GRM3: variants seen among roughly 807,000 people sequenced by gnomAD.
GRM3 encodes glutamate metabotropic receptor 3, also known as metabotropic glutamate receptor 3.
A neutral mutation model predicts 70.5 loss-of-function variants in GRM3; 26 were observed. That is an observed-to-expected ratio of 0.37 (90% CI 0.27 to 0.51). The LOEUF is 0.51. Ranked by LOEUF, GRM3 falls within the 20% of genes least tolerant of loss-of-function variation. The pLI, the probability that GRM3 is intolerant of heterozygous loss-of-function variation, is 0.93. For missense variants in GRM3, 859 were observed against 1,123.8 expected, an observed-to-expected ratio of 0.76 and a Z score of 3.37; for synonymous variants, 443 against 434.9, an observed-to-expected ratio of 1.02 and a Z score of -0.23.
intron 3 of GRM3, among the ~76,000 whole-genome samples, chr7:86,792,036 A>G (rs921434555): frequency 1.3e-5 from 2 of 152,248 alleles, no homozygotes; most frequent in African/African-American, 4.8e-5. Flanking sequence ...TTCAGAATTT[A>G]TGATGTAAAA....
At chr7:86,699,622 C>T (rs1023535987) in intron 1 of GRM3, among the ~76,000 whole-genome samples, 2 of 151,968 alleles carry the variant, frequency 1.3e-5, no homozygotes, top group African/African-American at 2.4e-5. Flanking sequence ...TTGAACATGT[C>T]TTATTTATTC....
chr7:86,646,013 GGGT>G (rs1562811307), intron 1 of GRM3, among the ~76,000 whole-genome samples: 136 of 69,994 alleles, frequency 1.9e-3, no homozygotes, highest in Middle Eastern at 6.8e-3. Context: ...GGGTGGGGGG[GGGT>G]GGGAGGGAGT....
At chr7:86,815,323 A>T in intron 3 of GRM3, among the ~76,000 whole-genome samples, 1 of 151,860 alleles carries the variant, frequency 6.6e-6, no homozygotes, top group African/African-American at 2.4e-5. Flanking sequence ...TCATCTATGG[A>T]TACCTCTACA....
chr7:86,811,113 A>G (rs1057227883), intron 3 of GRM3, among the ~76,000 whole-genome samples: 1 of 151,954 alleles, frequency 6.6e-6, no homozygotes, highest in Non-Finnish European at 1.5e-5. Flanking sequence ...AAAAGTAGGG[A>G]AGGCAGAGCA....
chr7:86,814,153 C>A (rs567470708), intron 3 of GRM3, among the ~76,000 whole-genome samples: 1 of 151,808 alleles, frequency 6.6e-6, no homozygotes, highest in African/African-American at 2.4e-5. Context: ...GGCTCTGTTG[C>A]GGTCACAGTC....
intron 3 of GRM3, among the ~76,000 whole-genome samples, chr7:86,812,048 T>C (rs1473066962): frequency 6.6e-6 from 1 of 151,724 alleles, no homozygotes; most frequent in Admixed American, 6.6e-5. Flanking sequence ...TTCTACCCAC[T>C]CTACTGAACC....
chr7:86,714,852 C>A (rs997612877), intron 1 of GRM3, among the ~76,000 whole-genome samples: 1 of 151,920 alleles, frequency 6.6e-6, no homozygotes, highest in African/African-American at 2.4e-5. Flanking sequence ...GCACTATTCT[C>A]TCTTTAAAGA....
At chr7:86,824,922 A>G (rs1368290983) in intron 3 of GRM3, among the ~76,000 whole-genome samples, 3 of 152,206 alleles carry the variant, frequency 2.0e-5, no homozygotes, top group African/African-American at 7.2e-5. Flanking sequence ...AGTTGGAAGA[A>G]TAGTGAGACT....
At chr7:86,824,014 C>G (rs1463767522) in intron 3 of GRM3, among the ~76,000 whole-genome samples, 1 of 152,200 alleles carries the variant, frequency 6.6e-6, no homozygotes, top group Non-Finnish European at 1.5e-5. Flanking sequence ...GCAAGACCCA[C>G]TCAGTCTGTA....
intron 2 of GRM3, among the ~76,000 whole-genome samples, chr7:86,785,597 A>G (rs2116534007): frequency 6.6e-6 from 1 of 152,062 alleles, no homozygotes; most frequent in South Asian, 2.1e-4. Context: ...TAAAAAGAAA[A>G]AGAAAGTAAA....
chr7:86,798,865 G>T (rs917732002), intron 3 of GRM3, among the ~76,000 whole-genome samples: 1 of 140,466 alleles, frequency 7.1e-6, no homozygotes, highest in African/African-American at 2.7e-5. Context: ...TTATAAAGGA[G>T]AGTTCCCCTC....
intron 1 of GRM3, among the ~76,000 whole-genome samples, chr7:86,732,389 T>A (rs1795754395): frequency 6.6e-6 from 1 of 151,456 alleles, no homozygotes; most frequent in South Asian, 2.1e-4. Flanking sequence ...TCAGACAGAT[T>A]AGAGTGGGGG....
At chr7:86,721,891 A>G (rs983723877) in intron 1 of GRM3, among the ~76,000 whole-genome samples, 1 of 152,148 alleles carries the variant, frequency 6.6e-6, no homozygotes, top group Non-Finnish European at 1.5e-5. Context: ...GGCACCTTGA[A>G]GAAGGAATAT....
intron 1 of GRM3, among the ~76,000 whole-genome samples, chr7:86,720,441 G>A (rs1372770951): frequency 6.6e-6 from 1 of 152,028 alleles, no homozygotes; most frequent in Non-Finnish European, 1.5e-5. Context: ...TTGGAATAGT[G>A]ATAAGTAAAG....
intron 3 of GRM3, among the ~76,000 whole-genome samples, chr7:86,787,619 A>G (rs752826890): frequency 1.3e-5 from 2 of 152,214 alleles, no homozygotes; most frequent in Non-Finnish European, 2.9e-5. Flanking sequence ...CAAAACAGAA[A>G]AGATACCCAG....
In GRM3 at chr7:86,681,340, T is replaced by A. The variant is rs996851167; in HGVS notation, c.-141+36468T>A. On this transcript the variant is annotated intron_variant, in intron 1 of 5. Coordinates refer to ENST00000361669, the MANE Select transcript of GRM3 (RefSeq NM_000840.3). ...TACTGGCCAAGGGGATTGGGCCATCTAGGTTAATTTTAATATGCCATCAGT... is the reference window on the plus strand; with the variant it reads ...TACTGGCCAAGGGGATTGGGCCATCAAGGTTAATTTTAATATGCCATCAGT... Among the ~76,000 whole-genome samples the A allele has an allele frequency of 3.9e-5, 6 of 152,278 alleles. No individual in the cohort carries two copies. The East Asian group carries it at 1.2e-3, about 29-fold the overall frequency.
At chr7:86,749,758 TAGAC>T (rs1796187108) in intron 1 of GRM3, among the ~76,000 whole-genome samples, 1 of 152,060 alleles carries the variant, frequency 6.6e-6, no homozygotes, top group African/African-American at 2.4e-5. Flanking sequence ...AAGCACCAGA[TAGAC>T]AAACAAGCTG....
At chr7:86,678,508 G>A (rs1161475062) in intron 1 of GRM3, among the ~76,000 whole-genome samples, 2 of 151,990 alleles carry the variant, frequency 1.3e-5, no homozygotes, top group African/African-American at 4.8e-5. Flanking sequence ...ATTCCACGGT[G>A]TCTAAGAATA....
At chr7:86,785,058 G>C (rs1797189402) in intron 2 of GRM3, among the ~76,000 whole-genome samples, 1 of 152,184 alleles carries the variant, frequency 6.6e-6, no homozygotes, top group African/African-American at 2.4e-5. Flanking sequence ...AGCTGTGCTT[G>C]CTACATGTCA....
Sources: allele counts gnomAD v4.1 joint callset (sites outside exome capture counted in the v4.1 genomes callset), GRCh38; gene constraint gnomAD v4.1.1; transcripts MANE v1.5; gene names NCBI Gene and HGNC (gene_info 2026-07-23, HGNC 2026-07-21).